The following SLC9A9 variants were observed in gnomAD, a reference collection of about 807,000 sequenced individuals.
SLC9A9 encodes sodium/hydrogen exchanger 9.
Under a neutral mutation model 77.8 loss-of-function variants are expected in SLC9A9, and 62 were observed. The ratio of observed to expected loss-of-function variants is 0.80; its 90% CI spans 0.65 to 0.98. The LOEUF (loss-of-function observed/expected upper bound fraction) is 0.98. SLC9A9 is among the 50% of genes least tolerant of loss of function. The probability of loss-of-function intolerance (pLI) is 0.00; values close to 1 mark genes in which losing one functional copy is unlikely to be tolerated. For synonymous variants in SLC9A9, 320 were observed against 283.5 expected (o/e 1.13, Z -1.29); for missense variants, 775 against 774.9 (o/e 1.00, Z 0.00).
chr3:143,467,998 G>A (rs1374279009), intron 11 of SLC9A9, among the ~76,000 whole-genome samples: 3 of 152,246 alleles, frequency 2.0e-5, no homozygotes, highest in African/African-American at 4.8e-5. Context: ...CTGAATTATT[G>A]ACAGTTGTTC....
chr3:143,433,576 G>C (rs1272401785), intron 12 of SLC9A9, among the ~76,000 whole-genome samples: 1 of 152,038 alleles, frequency 6.6e-6, no homozygotes, highest in Non-Finnish European at 1.5e-5. Flanking sequence ...CAGATTAATC[G>C]AGATCTGGTG....
At chr3:143,809,486 A>C (rs1302209289) in intron 2 of SLC9A9, among the ~76,000 whole-genome samples, 1 of 152,226 alleles carries the variant, frequency 6.6e-6, no homozygotes, top group Non-Finnish European at 1.5e-5. Context: ...ACAATTTCTC[A>C]GAAATGGCTG....
Position 143,469,628 on chromosome 3 carries a change from C to T in SLC9A9, c.1316-2438G>A, listed in dbSNP as rs546638194. ...TCAACTTAGAATATAACGCTCCTTT[C>T]TTACCTCCATGCTGAGACTATTCAA... On this transcript the variant is annotated intron_variant, in intron 11 of 15. Coordinates refer to ENST00000316549, the MANE Select transcript of SLC9A9 (RefSeq NM_173653.4). Among the ~76,000 whole-genome samples the T allele has an allele frequency of 3.3e-5, 5 of 152,296 alleles. No homozygotes were observed. The South Asian group carries it at 1.0e-3, about 32-fold the overall frequency.
At chr3:143,703,959 C>A (rs2108790993) in intron 4 of SLC9A9, among the ~76,000 whole-genome samples, 1 of 152,226 alleles carries the variant, frequency 6.6e-6, no homozygotes, top group East Asian at 1.9e-4. Context: ...ATTGGAAAAT[C>A]TAGAAGACAT....
chr3:143,617,350 A>G (rs2038123199), intron 6 of SLC9A9, among the ~76,000 whole-genome samples: 1 of 152,224 alleles, frequency 6.6e-6, no homozygotes, highest in Non-Finnish European at 1.5e-5. Flanking sequence ...AGTAATTGCC[A>G]TCAAAACCCT....
chr3:143,434,569 C>G (rs2034586875), intron 12 of SLC9A9, among the ~76,000 whole-genome samples: 1 of 152,130 alleles, frequency 6.6e-6, no homozygotes, highest in South Asian at 2.1e-4. Context: ...AGGGCACAGG[C>G]TGGAAAAGAG....
At chr3:143,436,082 C>T (rs1240168909) in intron 12 of SLC9A9, among the ~76,000 whole-genome samples, 1 of 152,202 alleles carries the variant, frequency 6.6e-6, no homozygotes, top group African/African-American at 2.4e-5. Context: ...TCCTTCTGCC[C>T]TTCTGCTCTT....
rs543270483 is a variant in SLC9A9 at position 143,517,970 on chromosome 3, C to T, written c.1090-22522G>A. ...AGCATCAGTGTCTGGTTCAATCACACCTTCTTTATCAATTTCTAGATCACT... is the reference window on the plus strand; with the variant it reads ...AGCATCAGTGTCTGGTTCAATCACATCTTCTTTATCAATTTCTAGATCACT... On this transcript the variant is annotated intron_variant, in intron 9 of 15. Coordinates refer to ENST00000316549, the MANE Select transcript of SLC9A9 (RefSeq NM_173653.4). 4.9e-5 allele frequency: 71 copies of T among 1,454,652 alleles called. No individual in the cohort carries two copies. The African/African-American group carries it at 8.6e-4, about 18-fold the overall frequency. 90.1% of individuals were successfully genotyped at this position (1,454,652 alleles called of 1,614,324 possible).
chr3:143,417,991 C>CA (rs895141580), intron 12 of SLC9A9, among the ~76,000 whole-genome samples: 5 of 151,906 alleles, frequency 3.3e-5, no homozygotes, highest in African/African-American at 9.7e-5. Flanking sequence ...TCAATCCCTC[C>CA]ATGTACTGCA....
At chr3:143,356,323 C>T (rs532305058) in intron 14 of SLC9A9, among the ~76,000 whole-genome samples, 2 of 152,130 alleles carry the variant, frequency 1.3e-5, no homozygotes, top group Non-Finnish European at 2.9e-5. Context: ...AATAACTAGC[C>T]AACTTTACTG....
intron 9 of SLC9A9, 31 bp from the exon 10 acceptor site, chr3:143,495,479 A>C (rs777468392): frequency 3.0e-5 from 46 of 1,527,134 alleles, no homozygotes; most frequent in Non-Finnish European, 4.1e-5. Context: ...AAAAACCATT[A>C]ATTATAACTC....
intron 12 of SLC9A9, among the ~76,000 whole-genome samples, chr3:143,458,432 T>A (rs1390845033): frequency 6.6e-6 from 1 of 152,128 alleles, no homozygotes; most frequent in Non-Finnish European, 1.5e-5. Flanking sequence ...AATGTAATTA[T>A]TGTTATATTT....
intron 6 of SLC9A9, among the ~76,000 whole-genome samples, chr3:143,614,828 T>C (rs1052959366): frequency 6.6e-6 from 1 of 152,210 alleles, no homozygotes; most frequent in Non-Finnish European, 1.5e-5. Flanking sequence ...AAGATAGCCA[T>C]GAGCCCAGAA....
At chr3:143,621,295 C>G (rs1038440103) in intron 6 of SLC9A9, among the ~76,000 whole-genome samples, 14 of 152,240 alleles carry the variant, frequency 9.2e-5, no homozygotes, top group Admixed American at 3.9e-4. Context: ...AGCTGGAGAT[C>G]TGAGAACGGA....
chr3:143,681,493 GATTT>G (rs1209642504), intron 5 of SLC9A9, among the ~76,000 whole-genome samples: 1 of 152,196 alleles, frequency 6.6e-6, no homozygotes, highest in Middle Eastern at 3.4e-3. Context: ...TCTTTTGATG[GATTT>G]ATTTATCTGA....
At chr3:143,468,067 C>T (rs376061144) in intron 11 of SLC9A9, among the ~76,000 whole-genome samples, 5 of 152,108 alleles carry the variant, frequency 3.3e-5, no homozygotes, top group African/African-American at 9.7e-5. Flanking sequence ...TTTAACCACA[C>T]GTCTGTTGAA....
At chr3:143,764,046 C>G (rs2007223584) in intron 4 of SLC9A9, among the ~76,000 whole-genome samples, 1 of 152,094 alleles carries the variant, frequency 6.6e-6, no homozygotes, top group African/African-American at 2.4e-5. Context: ...GTTCTTCCTT[C>G]TTCTCTTTCC....
intron 5 of SLC9A9, among the ~76,000 whole-genome samples, chr3:143,681,873 G>A (rs1349757696): frequency 6.6e-6 from 1 of 152,154 alleles, no homozygotes; most frequent in Admixed American, 6.6e-5. Context: ...TCAGGTACCT[G>A]GAGGAGATAG....
intron 14 of SLC9A9, among the ~76,000 whole-genome samples, chr3:143,362,086 A>C (rs2032769690): frequency 6.6e-6 from 1 of 152,210 alleles, no homozygotes; most frequent in South Asian, 2.1e-4. Context: ...ACCAGGAGCA[A>C]AAACCAGCAA....
Sources: gnomAD v4.1 joint callset for allele counts (sites outside exome capture counted in the v4.1 genomes callset) on GRCh38, gnomAD v4.1.1 for gene constraint, MANE v1.5 for transcripts, NCBI Gene and HGNC (gene_info 2026-07-23, HGNC 2026-07-21) for gene names.